Variants in GYPE observed in about 807,000 individuals in gnomAD.
GYPE encodes the protein glycophorin E (MNS blood group), also known as glycophorin-E.
Under a neutral mutation model 11.6 loss-of-function variants are expected in GYPE, and 8 were observed. The ratio of observed to expected loss-of-function variants is 0.69; its 90% CI spans 0.41 to 1.25. GYPE has a LOEUF of 1.25. Ranked by LOEUF, GYPE falls within the 50% of genes most tolerant of loss-of-function variation. The pLI is 0.01. For missense variants in GYPE, 90 were observed against 92.8 expected (o/e 0.97, Z 0.12); for synonymous variants, 28 against 29.6 (o/e 0.94, Z 0.18).
At chr4:143,889,348 G>A (rs899274835) in intron 1 of GYPE, among the ~76,000 whole-genome samples, 43 of 152,048 alleles carry the variant, frequency 2.8e-4, no homozygotes, top group Non-Finnish European at 5.7e-4. Context: ...AGCCTGGACA[G>A]ATGGAAATCA....
chr4:143,880,500 C>G lies in GYPE; in HGVS notation c.47G>C (p.Ser16Thr), dbSNP rs748159796. 19 of 1,613,846 alleles carry G rather than the reference C, an allele frequency of 1.2e-5. No homozygotes were observed. The Admixed American group carries it at 2.8e-4, about 24-fold the overall frequency. ...IFVLLLSGIV[S>T]ISASSTTGVA... is the part of the protein sequence containing the mutation. Reference sequence around the variant, plus strand: ...ACCAGTGGTACTTGATGCTGATATGCTCACAATTCCTGTATAAAATAGAAG... The same window carrying G: ...ACCAGTGGTACTTGATGCTGATATGGTCACAATTCCTGTATAAAATAGAAG... Residue 16 changes from serine (S) to threonine (T), a missense_variant, in exon 2 of 4, where the codon AGC becomes ACC. Coordinates refer to ENST00000358615, the MANE Select transcript of GYPE (RefSeq NM_198682.3).
chr4:143,897,208 A>T (rs1744686114), intron 1 of GYPE, among the ~76,000 whole-genome samples: 1 of 152,138 alleles, frequency 6.6e-6, no homozygotes, highest in South Asian at 2.1e-4. Context: ...TCGTGCCTGT[A>T]ACCCCAGTGC....
intron 2 of GYPE, among the ~76,000 whole-genome samples, chr4:143,878,187 A>T (rs1056490324): frequency 1.3e-5 from 2 of 152,120 alleles, no homozygotes; most frequent in Admixed American, 1.3e-4. Flanking sequence ...GTACAGTGGC[A>T]CAGTCATAGC....
chr4:143,895,480 C>A (rs1321158343), intron 1 of GYPE, among the ~76,000 whole-genome samples: 4 of 149,942 alleles, frequency 2.7e-5, no homozygotes, highest in Non-Finnish European at 4.5e-5. Context: ...AGGAGAACTA[C>A]AAACCACTGC....
intron 3 of GYPE, chr4:143,875,374 A>C (rs1407755629): frequency 8.3e-7 from 1 of 1,201,806 alleles, no homozygotes; most frequent in Non-Finnish European, 1.2e-6. Context: ...AGGCAGGAGA[A>C]CAGGGAGTTA....
chr4:143,902,647 C>T (rs4607161), intron 1 of GYPE, among the ~76,000 whole-genome samples: 103,365 of 151,210 alleles, frequency 0.68, 35,619 homozygotes, highest in East Asian at 0.95. Context: ...ATCTCTCCTT[C>T]TCCCTCCCTT....
At chr4:143,894,761 T>C (rs1412111706) in intron 1 of GYPE, among the ~76,000 whole-genome samples, 3 of 152,010 alleles carry the variant, frequency 2.0e-5, no homozygotes, top group African/African-American at 7.3e-5. Flanking sequence ...CTCAATAAAA[T>C]CCTGGCAAAC....
chr4:143,879,002 T>A (rs1743918075), intron 2 of GYPE, among the ~76,000 whole-genome samples: 1 of 152,088 alleles, frequency 6.6e-6, no homozygotes, highest in East Asian at 1.9e-4. Context: ...TTTTAAAAAA[T>A]ATAAAAATAA....
Position 143,880,420 on chromosome 4 carries a change from G to T in GYPE, c.127C>A (p.Gln43Lys). 1 of 1,613,988 alleles carries T rather than the reference G, an allele frequency of 6.2e-7. No homozygotes were observed. Among genetic ancestry groups the T allele is most frequent in the South Asian group, 1.1e-5 (1 of 91,078 alleles). ...AAAAATGAAAACAAACCATTTGTCT[G>T]TGATGAGATGTAACTCTTTGTGACT... is the stretch of plus-strand genomic sequence containing the variant. Reference protein sequence around the residue: ...SSVTKSYISSQTNGITLINWW... With the variant: ...SSVTKSYISSKTNGITLINWW... Residue 43 changes from glutamine (Q) to lysine (K), a missense_variant, in exon 2 of 4, where the codon CAG (glutamine) becomes AAG (lysine). Physicochemically the swap from Gln to Lys is moderately conservative, Grantham distance 53. Coordinates refer to ENST00000358615, the MANE Select transcript of GYPE (RefSeq NM_198682.3).
chr4:143,891,987 A>T (rs1412891785), intron 1 of GYPE, among the ~76,000 whole-genome samples: 1 of 152,102 alleles, frequency 6.6e-6, no homozygotes, highest in East Asian at 1.9e-4. Context: ...ACAATTTCAG[A>T]GCCTGTTATT....
chr4:143,874,345 A>G lies in GYPE; in HGVS notation c.*10-2093T>C, dbSNP rs186595724. Reference sequence around the variant, plus strand: ...AACTTTTAATGTAGAACTGTCTGCAATCTTTTAAACATGCAACAAACACCA... The same window carrying G: ...AACTTTTAATGTAGAACTGTCTGCAGTCTTTTAAACATGCAACAAACACCA... On this transcript the variant is annotated intron_variant, in intron 3 of 3. Coordinates refer to ENST00000358615, the MANE Select transcript of GYPE (RefSeq NM_198682.3). Among the ~76,000 whole-genome samples, 384 of 152,224 alleles carry G rather than the reference A, an allele frequency of 2.5e-3. 6 individuals are homozygous for G. Among genetic ancestry groups the G allele is most frequent in the African/African-American group, 4.5e-3 (186 of 41,538 alleles).
intron 3 of GYPE, among the ~76,000 whole-genome samples, chr4:143,874,411 C>CTGTAA (rs1197647851): frequency 2.0e-5 from 3 of 152,178 alleles, no homozygotes; most frequent in Non-Finnish European, 4.4e-5. Flanking sequence ...CATGGTGTGA[C>CTGTAA]TGTAATGTCT....
chr4:143,880,312 T>C (rs181633886), intron 2 of GYPE, 99 bp downstream of exon 2: 21,998 of 1,585,896 alleles, frequency 0.014, 63 homozygotes, highest in Middle Eastern at 0.025. Flanking sequence ...CATTTCTCAG[T>C]GTTTGTCAGT....
At chr4:143,885,238 C>A (rs1438639081) in intron 1 of GYPE, among the ~76,000 whole-genome samples, 2 of 151,984 alleles carry the variant, frequency 1.3e-5, no homozygotes, top group Non-Finnish European at 2.9e-5. Context: ...AAAATTGGCA[C>A]TTTAATTATT....
At chr4:143,891,946 CT>C (rs1560946767) in intron 1 of GYPE, among the ~76,000 whole-genome samples, 2 of 152,094 alleles carry the variant, frequency 1.3e-5, no homozygotes, top group African/African-American at 4.8e-5. Flanking sequence ...GTCCTGGACT[CT>C]TTTTGGTTGG....
chr4:143,902,176 C>T (rs1464500367), intron 1 of GYPE, among the ~76,000 whole-genome samples: 1 of 152,044 alleles, frequency 6.6e-6, no homozygotes, highest in Non-Finnish European at 1.5e-5. Context: ...GTAGTTGATA[C>T]TGACTGCCTA....
Position 143,905,541 on chromosome 4 carries a change from CA to C in GYPE, c.-35del. The C allele has an allele frequency of 1.9e-6, 3 of 1,612,482 alleles. No homozygotes were observed. The highest frequency in any genetic ancestry group is 2.2e-5 in the South Asian group (2 of 90,960). On this transcript the variant is annotated 5_prime_UTR_variant, in exon 1 of 4. Transcript: ENST00000358615. ...CACGAGCTGGCTCCTGAAGTTAGTGCAAAAAAACTACCAAAGACAACTGCAA... is the reference window on the plus strand; with the variant it reads ...CACGAGCTGGCTCCTGAAGTTAGTGCAAAAAACTACCAAAGACAACTGCAA...
At chr4:143,900,945 T>A (rs1442906275) in intron 1 of GYPE, among the ~76,000 whole-genome samples, 1 of 152,152 alleles carries the variant, frequency 6.6e-6, no homozygotes, top group African/African-American at 2.4e-5. Flanking sequence ...ATGCTACCGA[T>A]TGTACACTTT....
In GYPE at chr4:143,870,908, A is replaced by G. The variant is rs1485481761; in HGVS notation, c.*1354T>C. The G allele has an allele frequency of 2.0e-5, 3 of 152,152 alleles. No homozygotes were observed. Among genetic ancestry groups the G allele is most frequent in the South Asian group, 2.1e-4 (1 of 4,820 alleles). The allele number at this position is 152,152 out of a possible 1,614,324, so 9.4% of individuals were successfully genotyped here. On this transcript the variant is annotated 3_prime_UTR_variant, in exon 4 of 4. Transcript: ENST00000358615. ...AGGTTTTATTGATCTACAGTTTTGC[A>G]TGGCTGGGAAGGTCTCAGGATACTT...
Sources: gnomAD v4.1 joint callset for allele counts (sites outside exome capture counted in the v4.1 genomes callset) on GRCh38, gnomAD v4.1.1 for gene constraint, MANE v1.5 for transcripts, NCBI Gene and HGNC (gene_info 2026-07-23, HGNC 2026-07-21) for gene names.